The following KLHL29 variants were observed in gnomAD, a reference collection of about 807,000 sequenced individuals.
KLHL29 encodes kelch-like protein 29.
KLHL29 carries 21 observed loss-of-function variants against 80.4 expected under a neutral mutation model. The ratio of observed to expected loss-of-function variants is 0.26; its 90% CI spans 0.19 to 0.38. The LOEUF (loss-of-function observed/expected upper bound fraction) is 0.38. Ranked by LOEUF, KLHL29 falls within the 10% of genes least tolerant of loss-of-function variation. KLHL29 has a pLI of 1.00. For missense variants in KLHL29, 867 were observed against 1,223.9 expected (o/e 0.71, Z 4.35); for synonymous variants, 511 against 526.8 (o/e 0.97, Z 0.41).
At chr2:23,701,715 TCAAA>T (rs1672379498) in intron 11 of KLHL29, among the ~76,000 whole-genome samples, 1 of 148,554 alleles carries the variant, frequency 6.7e-6, no homozygotes, top group Non-Finnish European at 1.5e-5. Context: ...AGACCCTGCC[TCAAA>T]CAAACAAACC....
chr2:23,439,390 T>G (rs1663444241), intron 1 of KLHL29, among the ~76,000 whole-genome samples: 1 of 152,018 alleles, frequency 6.6e-6, no homozygotes. Context: ...CTAGTTCTTT[T>G]AATTGTGATG....
At chr2:23,466,050 G>A (rs535591344) in intron 1 of KLHL29, among the ~76,000 whole-genome samples, 1 of 152,074 alleles carries the variant, frequency 6.6e-6, no homozygotes, top group East Asian at 1.9e-4. Context: ...GTAAAGGATG[G>A]GTGGCCAGAT....
intron 2 of KLHL29, among the ~76,000 whole-genome samples, chr2:23,500,420 A>C (rs1381827896): frequency 6.6e-6 from 1 of 152,240 alleles, no homozygotes; most frequent in East Asian, 1.9e-4. Flanking sequence ...AGGAATTTGC[A>C]TACCACTTGG....
intron 5 of KLHL29, among the ~76,000 whole-genome samples, chr2:23,650,344 A>G (rs182038521): frequency 7.3e-6 from 1 of 137,880 alleles, no homozygotes; most frequent in Non-Finnish European, 1.6e-5. Context: ...AGATCCATCT[A>G]TCATAGAGTC....
At position 23,659,373 on chromosome 2, in the gene KLHL29, C is replaced by T. The variant is rs553973382; in HGVS notation, c.940+16523C>T. Among the ~76,000 whole-genome samples the T allele has an allele frequency of 2.0e-5, 3 of 152,338 alleles. No homozygotes were observed. In the South Asian group the frequency reaches 6.2e-4, roughly 32 times the overall value. On this transcript the variant is annotated intron_variant, in intron 5 of 13. Transcript: ENST00000486442. The stretch of plus-strand genomic sequence containing the variant: ...TGACCTCCGTTTACAGAGGAGGAAA[C>T]TTCGGTTCAGAAATGTGAAGTAACT...
intron 5 of KLHL29, among the ~76,000 whole-genome samples, chr2:23,673,281 CCCA>C (rs1558434157): frequency 1.5e-5 from 2 of 129,372 alleles, no homozygotes; most frequent in African/African-American, 5.4e-5. Context: ...AGGACACACT[CCCA>C]CACCACGTGC....
At chr2:23,520,999 C>CCG (rs1553334468) in intron 2 of KLHL29, among the ~76,000 whole-genome samples, 6 of 147,834 alleles carry the variant, frequency 4.1e-5, no homozygotes, top group African/African-American at 1.3e-4. Flanking sequence ...ACCACCCCCC[C>CCG]CCCCGCTCCC....
chr2:23,589,158 A>G (rs1668191517), intron 3 of KLHL29, among the ~76,000 whole-genome samples: 2 of 152,280 alleles, frequency 1.3e-5, no homozygotes, highest in Admixed American at 1.3e-4. Context: ...GAATTGAGGC[A>G]GAAATGAGCC....
chr2:23,508,551 G>A (rs151249430), intron 2 of KLHL29, among the ~76,000 whole-genome samples: 21 of 152,374 alleles, frequency 1.4e-4, no homozygotes, highest in African/African-American at 3.8e-4. Context: ...ACAAGTCCAC[G>A]TAGATTCAAG....
intron 5 of KLHL29, among the ~76,000 whole-genome samples, chr2:23,670,805 G>T (rs1365687849): frequency 6.6e-6 from 1 of 151,936 alleles, no homozygotes; most frequent in Non-Finnish European, 1.5e-5. Context: ...GGCAGGAGGG[G>T]TGGGCCCAGA....
In KLHL29 at chr2:23,695,751, A is replaced by G; in HGVS notation, c.1671A>G (p.Lys557=). The G allele has an allele frequency of 1.9e-6, 3 of 1,551,426 alleles. No homozygotes were observed. The highest frequency in any genetic ancestry group is 2.4e-5 in the East Asian group (1 of 40,908). ...EACRDLVNEA[K]RYHMLPHARQ... is the part of the protein sequence containing the mutation. The stretch of plus-strand genomic sequence containing the variant: ...GCCGGGACCTGGTGAACGAGGCCAA[A>G]CGCTACCATATGCTGCCCCACGCCC... Residue 557 remains lysine (K), a synonymous_variant, in exon 9 of 14, where the codon AAA becomes AAG. Transcript: ENST00000486442. This position sits in a 1 kb window ranked among gnomAD's most constrained non-coding sequence, Gnocchi z 7.6.
chr2:23,664,693 G>A (rs887910757), intron 5 of KLHL29, among the ~76,000 whole-genome samples: 3 of 152,222 alleles, frequency 2.0e-5, no homozygotes, highest in Admixed American at 6.5e-5. Context: ...TTTCCACAAA[G>A]AGGAGGGCAG....
rs536073925 is a variant in KLHL29, at chr2:23,499,736, C to A, written c.-46+24069C>A. 1.8e-4 allele frequency among the ~76,000 whole-genome samples: 28 copies of A among 152,278 alleles called. 1 individual carries two copies. The highest frequency in any genetic ancestry group is 6.3e-4 in the African/African-American group (26 of 41,554). On this transcript the variant is annotated intron_variant, in intron 2 of 13. Coordinates refer to ENST00000486442, the MANE Select transcript of KLHL29 (RefSeq NM_052920.2). ...CTTGGAGATCCAGAGTCTGCCAGAC[C>A]CCAGGGCAGTCTCTCAGGAGATGAG...
At chr2:23,421,417 TCTC>T (rs1298541551) in intron 1 of KLHL29, among the ~76,000 whole-genome samples, 1 of 152,076 alleles carries the variant, frequency 6.6e-6, no homozygotes, top group Non-Finnish European at 1.5e-5. Flanking sequence ...TCTCCTCTCC[TCTC>T]CTCCTCTTTT....
At chr2:23,525,981 C>T (rs1666302915) in intron 2 of KLHL29, among the ~76,000 whole-genome samples, 1 of 152,210 alleles carries the variant, frequency 6.6e-6, no homozygotes, top group Non-Finnish European at 1.5e-5. Context: ...AGTCACGTCC[C>T]TGACATCCGT....
chr2:23,699,358 G>A (rs964409781), intron 11 of KLHL29, among the ~76,000 whole-genome samples: 4 of 152,314 alleles, frequency 2.6e-5, no homozygotes, highest in Middle Eastern at 3.4e-3. Context: ...GGCACTCACC[G>A]AACAGTGAGC....
chr2:23,409,214 A>G (rs1666803271), intron 1 of KLHL29, among the ~76,000 whole-genome samples: 1 of 152,174 alleles, frequency 6.6e-6, no homozygotes, highest in South Asian at 2.1e-4. Flanking sequence ...GAAGAGAGCA[A>G]AGAAGAAGAG....
At chr2:23,555,991 A>G (rs1667281974) in intron 2 of KLHL29, among the ~76,000 whole-genome samples, 1 of 152,002 alleles carries the variant, frequency 6.6e-6, no homozygotes, top group Admixed American at 6.6e-5. Flanking sequence ...TGAAGGGGGG[A>G]CTGGATTGCA....
chr2:23,453,551 C>G (rs1663950084), intron 1 of KLHL29, among the ~76,000 whole-genome samples: 1 of 152,200 alleles, frequency 6.6e-6, no homozygotes, highest in Non-Finnish European at 1.5e-5. Flanking sequence ...GGACCTTTCC[C>G]CTGGAGCCGG....
Sources: gnomAD v4.1 joint callset for allele counts (sites outside exome capture counted in the v4.1 genomes callset) on GRCh38, gnomAD v4.1.1 for gene constraint, Gnocchi (gnomAD v3.1) non-coding constraint, MANE v1.5 for transcripts, NCBI Gene and HGNC (gene_info 2026-07-23, HGNC 2026-07-21) for gene names.